Variants in ESRRG observed in about 807,000 individuals in gnomAD.
ESRRG encodes the protein estrogen-related receptor gamma.
A neutral mutation model predicts 44.0 loss-of-function variants in ESRRG; 13 were observed. The observed-to-expected ratio is 0.30, with a 90% confidence interval of 0.19 to 0.47. The LOEUF is 0.47. Among genes scored for constraint, ESRRG ranks in the 20% least tolerant of loss-of-function variants. The pLI, the probability that ESRRG is intolerant of heterozygous loss-of-function variation, is 1.00. For missense variants in ESRRG, 395 were observed against 580.6 expected (o/e 0.68, Z 3.29); for synonymous variants, 215 against 214.6 (o/e 1.00, Z -0.02).
chr1:216,535,130 C>G (rs1314771665), intron 5 of ESRRG, among the ~76,000 whole-genome samples: 1 of 152,098 alleles, frequency 6.6e-6, no homozygotes, highest in African/African-American at 2.4e-5. Context: ...GACATCAAGT[C>G]TCCAGAAAGC....
intron 1 of ESRRG, among the ~76,000 whole-genome samples, chr1:217,136,624 C>T (rs1323296957): frequency 6.6e-6 from 1 of 152,164 alleles, no homozygotes; most frequent in African/African-American, 2.4e-5. Flanking sequence ...ATCTGCAGAC[C>T]CAACGGATGG....
At chr1:216,708,157 G>A (rs958107268) in intron 1 of ESRRG, among the ~76,000 whole-genome samples, 5 of 151,548 alleles carry the variant, frequency 3.3e-5, no homozygotes, top group African/African-American at 1.2e-4. Context: ...TAAACTGGTA[G>A]GCAATATTAC....
At chr1:216,924,544 T>C (rs773955418) in intron 2 of ESRRG, among the ~76,000 whole-genome samples, 1 of 152,134 alleles carries the variant, frequency 6.6e-6, no homozygotes, top group Non-Finnish European at 1.5e-5. Flanking sequence ...AAATCCAGCC[T>C]AGAAGGAAAA....
At chr1:216,589,124 T>C (rs1459330440) in intron 3 of ESRRG, among the ~76,000 whole-genome samples, 1 of 152,168 alleles carries the variant, frequency 6.6e-6, no homozygotes, top group East Asian at 1.9e-4. Flanking sequence ...TTTTGAGAAA[T>C]TCAAGATGTA....
At chr1:216,792,360 T>C (rs2094344861) in intron 2 of ESRRG, among the ~76,000 whole-genome samples, 1 of 152,192 alleles carries the variant, frequency 6.6e-6, no homozygotes, top group Admixed American at 6.5e-5. Context: ...TTATTCTTCC[T>C]GTCCCTCTAG....
At chr1:216,526,261 G>A (rs1228100643) in intron 5 of ESRRG, among the ~76,000 whole-genome samples, 3 of 152,104 alleles carry the variant, frequency 2.0e-5, no homozygotes, top group Non-Finnish European at 4.4e-5. Context: ...CAGGACCTGG[G>A]AACATGACCT....
chr1:216,555,684 T>G (rs1337114535), intron 5 of ESRRG, among the ~76,000 whole-genome samples: 1 of 152,178 alleles, frequency 6.6e-6, no homozygotes, highest in Non-Finnish European at 1.5e-5. Flanking sequence ...TATATCTCTT[T>G]CCTCTGCTCT....
chr1:216,677,586 A>G (rs760443762), intron 1 of ESRRG, 95 bp from the exon 2 acceptor site: 4 of 1,083,770 alleles, frequency 3.7e-6, no homozygotes, highest in Middle Eastern at 2.1e-4. Context: ...GGTGAAAAAT[A>G]GAGAAAGGGA....
intron 1 of ESRRG, among the ~76,000 whole-genome samples, chr1:217,082,429 G>T (rs1284682294): frequency 2.0e-5 from 3 of 152,116 alleles, no homozygotes; most frequent in Non-Finnish European, 4.4e-5. Context: ...AATTATAAAG[G>T]TTCAAAGAGT....
intron 5 of ESRRG, among the ~76,000 whole-genome samples, chr1:216,538,618 A>G (rs2051728596): frequency 6.6e-6 from 1 of 152,096 alleles, no homozygotes; most frequent in Non-Finnish European, 1.5e-5. Flanking sequence ...AAAACGCAGC[A>G]AATGCATCCC....
chr1:216,858,190 C>A (rs2149065615), intron 2 of ESRRG, among the ~76,000 whole-genome samples: 1 of 140,526 alleles, frequency 7.1e-6, no homozygotes, highest in South Asian at 2.2e-4. Context: ...GTAATCCCAG[C>A]ACTTTGGGAG....
At chr1:216,692,393 A>G (rs1031376310) in intron 1 of ESRRG, among the ~76,000 whole-genome samples, 1 of 152,052 alleles carries the variant, frequency 6.6e-6, no homozygotes, top group East Asian at 1.9e-4. Context: ...AAAATCTGAA[A>G]AATAGAAAAA....
At chr1:216,918,246 A>G (rs1239157236) in intron 2 of ESRRG, among the ~76,000 whole-genome samples, 1 of 152,204 alleles carries the variant, frequency 6.6e-6, no homozygotes, top group Non-Finnish European at 1.5e-5. Flanking sequence ...TATTTTAAGT[A>G]TTCCACATTC....
intron 6 of ESRRG, among the ~76,000 whole-genome samples, chr1:216,513,929 C>T (rs972296841): frequency 6.6e-5 from 10 of 152,082 alleles, no homozygotes; most frequent in Admixed American, 2.0e-4. Context: ...ATGCTAATGA[C>T]GTTTTGTAAC....
chr1:216,917,606 G>T (rs2061351833), intron 2 of ESRRG, among the ~76,000 whole-genome samples: 1 of 152,154 alleles, frequency 6.6e-6, no homozygotes, highest in South Asian at 2.1e-4. Flanking sequence ...AAATTTGTGA[G>T]TCCCTTCCTA....
At chr1:217,060,688 C>A (rs1296318953) in intron 1 of ESRRG, among the ~76,000 whole-genome samples, 1 of 151,940 alleles carries the variant, frequency 6.6e-6, no homozygotes, top group African/African-American at 2.4e-5. Flanking sequence ...AAGATTTTTG[C>A]CTTTTCAAGC....
intron 6 of ESRRG, among the ~76,000 whole-genome samples, chr1:216,514,390 AACAAAGCTCTACCTGCCAC>A (rs1329713176): frequency 6.6e-6 from 1 of 152,124 alleles, no homozygotes; most frequent in African/African-American, 2.4e-5. Context: ...AAAAATTAGG[AACAAAGCTCTACCTGCCAC>A]ACAAAGCTTA....
At chr1:217,096,738 A>G (rs1047497033) in intron 1 of ESRRG, among the ~76,000 whole-genome samples, 3 of 152,168 alleles carry the variant, frequency 2.0e-5, no homozygotes, top group Non-Finnish European at 2.9e-5. Context: ...CCACAAACTG[A>G]TATCATTGTA....
chr1:216,745,582 G>A (rs112797147), intron 2 of ESRRG, among the ~76,000 whole-genome samples: 13 of 152,216 alleles, frequency 8.5e-5, no homozygotes, highest in African/African-American at 2.9e-4. Context: ...TGAGTTGAAG[G>A]CTGAGGTTCC....
Sources: gnomAD v4.1 joint callset for allele counts (sites outside exome capture counted in the v4.1 genomes callset) on GRCh38, gnomAD v4.1.1 for gene constraint, MANE v1.5 for transcripts, NCBI Gene and HGNC (gene_info 2026-07-23, HGNC 2026-07-21) for gene names.